The following SWT1 variants were observed in gnomAD, a reference collection of about 807,000 sequenced individuals.
SWT1 encodes the protein SWT1 RNA endoribonuclease homolog, also known as transcriptional protein SWT1.
In SWT1, 33 loss-of-function variants were observed where a neutral mutation model predicts 107.3. That is an observed-to-expected ratio of 0.31 (90% CI 0.23 to 0.41). The LOEUF (loss-of-function observed/expected upper bound fraction) is 0.41, where lower values mean the gene tolerates loss of function less well. Ranked by LOEUF, SWT1 falls within the 10% of genes least tolerant of loss-of-function variation. SWT1 has a pLI of 1.00. For missense variants in SWT1, 898 were observed against 1,028.9 expected (o/e 0.87, Z 1.74); for synonymous variants, 345 against 348.3 (o/e 0.99, Z 0.11).
intron 10 of SWT1, among the ~76,000 whole-genome samples, chr1:185,192,976 T>A (rs1329159322): frequency 1.3e-5 from 2 of 152,120 alleles, no homozygotes; most frequent in Non-Finnish European, 2.9e-5. Context: ...CTTTTTGTGC[T>A]CTTTCTTTCT....
chr1:185,231,812 C>T (rs1216217143), intron 16 of SWT1, 104 bp downstream of exon 16: 13 of 776,804 alleles, frequency 1.7e-5, no homozygotes, highest in African/African-American at 5.3e-5. Flanking sequence ...TAGAATAGAC[C>T]GTGGCACTTT....
intron 5 of SWT1, among the ~76,000 whole-genome samples, chr1:185,178,030 A>T (rs1553252200): frequency 6.6e-6 from 1 of 152,240 alleles, no homozygotes; most frequent in Non-Finnish European, 1.5e-5. Flanking sequence ...AAGTAAAAAA[A>T]ATATGATTGT....
At chr1:185,219,727 C>T (rs1659493568) in intron 14 of SWT1, among the ~76,000 whole-genome samples, 1 of 152,084 alleles carries the variant, frequency 6.6e-6, no homozygotes, top group South Asian at 2.1e-4. Context: ...AGTAGTTTAT[C>T]TCTTTTACTG....
chr1:185,228,190 CATATAT>C lies in SWT1; in HGVS notation c.2310-3381_2310-3376del, dbSNP rs66669113. Reference sequence around the variant, plus strand: ...ATGTGTATATATATATATATATATACATATATATATACTCAGTATGTTTTTCTTCAG... The same window carrying C: ...ATGTGTATATATATATATATATATACATATACTCAGTATGTTTTTCTTCAG... On this transcript the variant is annotated intron_variant, in intron 15 of 18. Transcript: ENST00000367500. Among the ~76,000 whole-genome samples, 818 of 82,342 alleles carry C rather than the reference CATATAT, an allele frequency of 9.9e-3. 15 individuals carry two copies. The highest frequency in any genetic ancestry group is 0.032 in the African/African-American group (758 of 23,956). 54.0% of individuals were successfully genotyped at this position (82,342 alleles called of 152,430 possible).
intron 16 of SWT1, among the ~76,000 whole-genome samples, chr1:185,248,873 T>A (rs1661801174): frequency 6.6e-6 from 1 of 152,132 alleles, no homozygotes. Context: ...ATATGGTTTA[T>A]CTAGCTGATG....
chr1:185,273,488 G>C (rs1664033844), intron 17 of SWT1, among the ~76,000 whole-genome samples: 1 of 152,008 alleles, frequency 6.6e-6, no homozygotes, highest in African/African-American at 2.4e-5. Flanking sequence ...GGATCATGAG[G>C]TCAGGAGTTC....
chr1:185,161,032 C>T (rs1654100627), intron 2 of SWT1, 107 bp downstream of exon 2: 9 of 825,872 alleles, frequency 1.1e-5, no homozygotes, highest in Non-Finnish European at 1.7e-5. Flanking sequence ...TTTTGTTCTG[C>T]TCAGCCGATC....
At chr1:185,256,260 T>C (rs975747564) in intron 16 of SWT1, among the ~76,000 whole-genome samples, 4 of 151,742 alleles carry the variant, frequency 2.6e-5, no homozygotes, top group African/African-American at 9.7e-5. Context: ...TTATGTGTCT[T>C]GGAGTTGCTC....
chr1:185,186,771 TA>T (rs1265381702), intron 9 of SWT1, among the ~76,000 whole-genome samples: 1 of 151,834 alleles, frequency 6.6e-6, no homozygotes, highest in African/African-American at 2.4e-5. Flanking sequence ...TTTTTTTTTT[TA>T]AGATGGAGTC....
intron 16 of SWT1, among the ~76,000 whole-genome samples, chr1:185,239,840 A>G (rs1045265241): frequency 2.0e-5 from 3 of 152,114 alleles, no homozygotes; most frequent in Admixed American, 2.0e-4. Context: ...TTTGCTTAGT[A>G]TATAAAGATG....
At chr1:185,206,802 T>A in intron 13 of SWT1, 39 bp downstream of exon 13, 1 of 1,399,062 alleles carries the variant, frequency 7.1e-7, no homozygotes, top group Non-Finnish European at 9.7e-7. Flanking sequence ...AGTGTTGTAT[T>A]AAGTCAGACT....
At chr1:185,171,353 T>C in intron 4 of SWT1, 1 of 208,766 alleles carries the variant, frequency 4.8e-6, no homozygotes. Flanking sequence ...GTCTTCCTCC[T>C]CTTGTTTGTT....
intron 2 of SWT1, among the ~76,000 whole-genome samples, chr1:185,165,220 A>G (rs552533993): frequency 5.9e-5 from 9 of 152,328 alleles, no homozygotes; most frequent in East Asian, 3.8e-4. Flanking sequence ...AAGCAACTAT[A>G]ATAATAACAT....
chr1:185,252,141 A>G (rs1014657167), intron 16 of SWT1, among the ~76,000 whole-genome samples: 1 of 152,142 alleles, frequency 6.6e-6, no homozygotes, highest in Non-Finnish European at 1.5e-5. Context: ...ATAGTATTCC[A>G]TGGTGTATAT....
chr1:185,162,391 C>A (rs747298576), intron 2 of SWT1, among the ~76,000 whole-genome samples: 26 of 152,126 alleles, frequency 1.7e-4, no homozygotes, highest in Middle Eastern at 3.2e-3. Flanking sequence ...TTTTGTTTTT[C>A]TCTGAGTCTG....
chr1:185,226,858 C>A (rs1327377799), intron 15 of SWT1: 1 of 1,532,982 alleles, frequency 6.5e-7, no homozygotes, highest in Non-Finnish European at 8.8e-7. Flanking sequence ...TTCTTTTGAG[C>A]TACCCGATCT....
At chr1:185,271,144 T>G (rs958713371) in intron 16 of SWT1, among the ~76,000 whole-genome samples, 179 bp from the exon 17 acceptor site, 2 of 152,240 alleles carry the variant, frequency 1.3e-5, no homozygotes, top group Non-Finnish European at 2.9e-5. Flanking sequence ...TTGACCTCCG[T>G]TGAATTAAGT....
intron 16 of SWT1, among the ~76,000 whole-genome samples, chr1:185,260,032 A>C (rs1255105674): frequency 9.9e-5 from 15 of 152,194 alleles, no homozygotes; most frequent in Admixed American, 9.8e-4. Flanking sequence ...TACTTTAGAA[A>C]TGCCTTGGAA....
intron 10 of SWT1, among the ~76,000 whole-genome samples, chr1:185,195,710 T>C (rs945705911): frequency 6.6e-6 from 1 of 151,320 alleles, no homozygotes; most frequent in Non-Finnish European, 1.5e-5. Flanking sequence ...TGAGATGGTA[T>C]CTCATTGTGG....
Sources: allele counts gnomAD v4.1 joint callset (sites outside exome capture counted in the v4.1 genomes callset), GRCh38; gene constraint gnomAD v4.1.1; transcripts MANE v1.5; gene names NCBI Gene and HGNC (gene_info 2026-07-23, HGNC 2026-07-21).